CREM: variants seen among roughly 807,000 people sequenced by gnomAD.
CREM encodes the protein cAMP responsive element modulator, also known as cAMP-responsive element modulator.
CREM carries 13 observed loss-of-function variants against 37.3 expected under a neutral mutation model. The observed-to-expected ratio is 0.35, with a 90% CI of 0.23 to 0.55. CREM has a LOEUF of 0.55. CREM is among the 20% of genes least tolerant of loss of function. The pLI is 0.88. For missense variants in CREM, 296 were observed against 362.3 expected (o/e 0.82, Z 1.49); for synonymous variants, 124 against 120.2 (o/e 1.03, Z -0.21).
chr10:35,167,172 T>A (rs921489035), intron 3 of CREM, among the ~76,000 whole-genome samples: 1 of 152,150 alleles, frequency 6.6e-6, no homozygotes, highest in African/African-American at 2.4e-5. Context: ...AGTGGAATAT[T>A]TTACATCTTT....
chr10:35,137,338 A>G (rs1444550740), intron 1 of CREM, among the ~76,000 whole-genome samples: 2 of 152,204 alleles, frequency 1.3e-5, no homozygotes, highest in Admixed American at 1.3e-4. Context: ...AGGTAAATGA[A>G]AACTTTTTTG....
At chr10:35,168,311 A>C (rs889562556) in intron 3 of CREM, among the ~76,000 whole-genome samples, 1 of 152,148 alleles carries the variant, frequency 6.6e-6, no homozygotes, top group African/African-American at 2.4e-5. Flanking sequence ...GTGAGATGGT[A>C]TCTTATTGTG....
At chr10:35,210,776 A>G (rs2095648413) in intron 7 of CREM, 1 of 152,448 alleles carries the variant, frequency 6.6e-6, no homozygotes. Context: ...ACTGAGATTT[A>G]GTTTTGAAGA....
chr10:35,165,068 A>AAAAG (rs1554901976), intron 3 of CREM, among the ~76,000 whole-genome samples: 1 of 150,780 alleles, frequency 6.6e-6, no homozygotes, highest in Non-Finnish European at 1.5e-5. Context: ...AAAAAAAAAA[A>AAAAG]AAAAAAAAAA....
intron 3 of CREM, among the ~76,000 whole-genome samples, chr10:35,163,441 T>G (rs148497327): frequency 6.6e-6 from 1 of 152,184 alleles, no homozygotes; most frequent in East Asian, 1.9e-4. Flanking sequence ...CCCAACACTT[T>G]GGGAGGCCGA....
intron 3 of CREM, among the ~76,000 whole-genome samples, chr10:35,172,572 GT>G (rs11296111): frequency 0.97 from 143,305 of 147,442 alleles, 69,686 homozygotes; most frequent in South Asian, 1. Flanking sequence ...TCCACTTGCA[GT>G]TTTTTTTTTT....
At chr10:35,179,299 T>C (rs2133163917) in intron 5 of CREM, 23 bp downstream of exon 5, 1 of 1,612,560 alleles carries the variant, frequency 6.2e-7, no homozygotes, top group Non-Finnish European at 8.5e-7. Context: ...CAATTCGATA[T>C]GATACAGTGC....
At chr10:35,211,128 G>T in intron 7 of CREM, 126 bp from the exon 8 acceptor site, 1 of 879,864 alleles carries the variant, frequency 1.1e-6, no homozygotes, top group Non-Finnish European at 1.7e-6. Context: ...TGTTTGTTAT[G>T]TGGCTTTGTA....
At chr10:35,138,415 T>G in intron 2 of CREM, among the ~76,000 whole-genome samples, 1 of 152,210 alleles carries the variant, frequency 6.6e-6, no homozygotes, top group Non-Finnish European at 1.5e-5. Flanking sequence ...AATAACTTCC[T>G]TTTCCAATTG....
At chr10:35,187,865 T>C (rs2094718177) in intron 5 of CREM, among the ~76,000 whole-genome samples, 1 of 152,168 alleles carries the variant, frequency 6.6e-6, no homozygotes, top group African/African-American at 2.4e-5. Flanking sequence ...TCTGAGAGAA[T>C]GGAGAAAACC....
intron 3 of CREM, among the ~76,000 whole-genome samples, chr10:35,170,741 G>T (rs1167870321): frequency 6.6e-6 from 1 of 152,074 alleles, no homozygotes; most frequent in Non-Finnish European, 1.5e-5. Flanking sequence ...GGGGTCGGTG[G>T]TGATATCCCC....
chr10:35,146,110 T>G (rs1208433084), intron 2 of CREM, among the ~76,000 whole-genome samples: 1 of 152,262 alleles, frequency 6.6e-6, no homozygotes, highest in Non-Finnish European at 1.5e-5. Context: ...TAGACTATGC[T>G]AAATGAATGT....
intron 6 of CREM, among the ~76,000 whole-genome samples, chr10:35,191,703 G>C (rs1321777563): frequency 6.6e-6 from 1 of 152,006 alleles, no homozygotes; most frequent in Non-Finnish European, 1.5e-5. Context: ...CTGCTTCTCT[G>C]TCAGTCCTGT....
chr10:35,183,409 T>C (rs1465209603), intron 5 of CREM, among the ~76,000 whole-genome samples: 3 of 152,220 alleles, frequency 2.0e-5, no homozygotes, highest in African/African-American at 7.2e-5. Context: ...CAGTTCTTAA[T>C]AGTGACGTTG....
At chr10:35,159,262 C>G (rs190867246) in intron 3 of CREM, among the ~76,000 whole-genome samples, 79 of 151,774 alleles carry the variant, frequency 5.2e-4, no homozygotes, top group African/African-American at 1.8e-3. Flanking sequence ...AGTCAAGACT[C>G]TTTGTCATGC....
chr10:35,180,769 G>A lies in CREM; in HGVS notation c.409+1493G>A, dbSNP rs7903306. Among the ~76,000 whole-genome samples, 462 of 152,316 alleles carry A rather than the reference G, an allele frequency of 3.0e-3. 1 individual carries two copies. Among genetic ancestry groups the A allele is most frequent in the African/African-American group, 0.011 (438 of 41,566 alleles). On this transcript the variant is annotated intron_variant, in intron 5 of 7. Coordinates refer to ENST00000685392, the MANE Select transcript of CREM (RefSeq NM_183011.2). ...ATATGCCAGCTGATGAGCCTCTACA[G>A]CACAGCACGCAGGTTATGAGAGTGC...
chr10:35,204,621 AT>A (rs1298343722), intron 6 of CREM, among the ~76,000 whole-genome samples: 2 of 151,476 alleles, frequency 1.3e-5, no homozygotes, highest in African/African-American at 4.8e-5. Flanking sequence ...AAAAAAATCA[AT>A]TATTCCCTAT....
chr10:35,148,826 T>TA (rs1388049541), intron 3 of CREM, among the ~76,000 whole-genome samples: 1 of 152,194 alleles, frequency 6.6e-6, no homozygotes, highest in Non-Finnish European at 1.5e-5. Context: ...ACAGAAATCT[T>TA]ACCATTTTCC....
chr10:35,144,939 C>T (rs935090821), intron 2 of CREM, among the ~76,000 whole-genome samples: 1 of 151,746 alleles, frequency 6.6e-6, no homozygotes, highest in Admixed American at 6.6e-5. Flanking sequence ...GCGGGCTGAT[C>T]ACTTGAGGCC....
Sources: allele counts gnomAD v4.1 joint callset (sites outside exome capture counted in the v4.1 genomes callset), GRCh38; gene constraint gnomAD v4.1.1; transcripts MANE v1.5; gene names NCBI Gene and HGNC (gene_info 2026-07-23, HGNC 2026-07-21).